Variants in TXLNG observed in about 807,000 individuals in gnomAD.
TXLNG encodes taxilin gamma, also known as gamma-taxilin.
In TXLNG, 5 loss-of-function variants were observed where a neutral mutation model predicts 38.8. The ratio of observed to expected loss-of-function variants is 0.13; its 90% CI spans 0.07 to 0.27. The LOEUF (loss-of-function observed/expected upper bound fraction) is 0.27, where lower values mean the gene tolerates loss of function less well. Among genes scored for constraint, TXLNG ranks in the 10% least tolerant of loss-of-function variants. The pLI, the probability that TXLNG is intolerant of heterozygous loss-of-function variation, is 1.00. For synonymous variants in TXLNG, 182 were observed against 158.2 expected (o/e 1.15, Z -1.13); for missense variants, 393 against 398.2 (o/e 0.99, Z 0.11).
chrX:16,822,013 A>C (rs1472797424), intron 3 of TXLNG, among the ~76,000 whole-genome samples: 2 of 105,709 alleles, frequency 1.9e-5, no homozygotes, highest in African/African-American at 6.9e-5. Context: ...AAAAATAAAA[A>C]AACTGAATTC....
At chrX:16,833,701 T>G (rs1359328746) in intron 6 of TXLNG, among the ~76,000 whole-genome samples, 5 of 112,015 alleles carry the variant, frequency 4.5e-5, no homozygotes, top group Non-Finnish European at 1.9e-5. Context: ...TTTCTAGGCT[T>G]CTTTGGACTA....
At chrX:16,800,098 C>T (rs1192416160) in intron 1 of TXLNG, among the ~76,000 whole-genome samples, 1 of 109,478 alleles carries the variant, frequency 9.1e-6, no homozygotes. Flanking sequence ...TACCACCACG[C>T]CCGGCTAATT....
chrX:16,840,058 A>G, intron 9 of TXLNG, 142 bp downstream of exon 9: 1 of 428,863 alleles, frequency 2.3e-6, no homozygotes, highest in Non-Finnish European at 3.9e-6. Context: ...GGGGGTGGGG[A>G]TGAGTTGCTG....
rs954803708 is a variant in TXLNG at position 16,844,137 on chromosome X, C to A, written c.*2371C>A. 1 of 111,804 alleles carries A rather than the reference C, an allele frequency of 8.9e-6. No individual in the cohort carries two copies. Among genetic ancestry groups the A allele is most frequent in the Non-Finnish European group, 1.9e-5 (1 of 53,178 alleles). The allele number at this position is 111,804 out of a possible 1,213,427, so 9.2% of individuals were successfully genotyped here. ...TCCAAGGTGTAGAGAAAACTTGGGT[C>A]TTGGGTAATATGGACCATTTCATCC... On this transcript the variant is annotated 3_prime_UTR_variant, in exon 10 of 10. Coordinates refer to ENST00000380122, the MANE Select transcript of TXLNG (RefSeq NM_018360.3).
intron 5 of TXLNG, among the ~76,000 whole-genome samples, chrX:16,830,068 C>T (rs1006113250): frequency 7.2e-5 from 8 of 111,104 alleles, no homozygotes; most frequent in East Asian, 5.7e-4. Flanking sequence ...TTCCCTTATC[C>T]AGACTAATAG....
At chrX:16,794,680 A>G (rs1927819998) in intron 1 of TXLNG, among the ~76,000 whole-genome samples, 1 of 111,567 alleles carries the variant, frequency 9.0e-6, no homozygotes, top group Non-Finnish European at 1.9e-5. Context: ...ATGACTTCAT[A>G]AAATTGGGAC....
intron 3 of TXLNG, among the ~76,000 whole-genome samples, chrX:16,826,120 C>T (rs957748381): frequency 5.4e-5 from 6 of 111,402 alleles, no homozygotes; most frequent in East Asian, 2.8e-4. Flanking sequence ...TAATGAACGC[C>T]GGATTCAGGA....
At position 16,844,330 on chromosome X, in the gene TXLNG, A is replaced by G. The variant is rs773945019; in HGVS notation, c.*2564A>G. 8.9e-6 allele frequency: 1 copy of G among 112,245 alleles called. No individual in the cohort carries two copies. The highest frequency in any genetic ancestry group is 1.9e-5 in the Non-Finnish European group (1 of 53,295). The allele number at this position is 112,245 out of a possible 1,213,427, so 9.3% of individuals were successfully genotyped here. A position where few individuals can be genotyped will look rare whatever the true frequency, so the allele number is the denominator to read the frequency against. Reference sequence around the variant, plus strand: ...AATAACTGTGAAAAAAATGATGCAGATATCTTCTAGTTTGTGCTAAACACA... The same window carrying G: ...AATAACTGTGAAAAAAATGATGCAGGTATCTTCTAGTTTGTGCTAAACACA... On this transcript the variant is annotated 3_prime_UTR_variant, in exon 10 of 10. Transcript: ENST00000380122.
chrX:16,786,744 TG>T (rs1287455362), intron 1 of TXLNG, among the ~76,000 whole-genome samples, 155 bp downstream of exon 1: 57 of 6,713 alleles, frequency 8.5e-3, no homozygotes, highest in African/African-American at 0.013. Context: ...TGGGAGCAGG[TG>T]GGGGGGGGTG....
At chrX:16,800,562 C>CTTTT in intron 1 of TXLNG, among the ~76,000 whole-genome samples, 1 of 68,245 alleles carries the variant, frequency 1.5e-5, no homozygotes, top group Non-Finnish European at 2.8e-5. Flanking sequence ...GAGGAGGAAA[C>CTTTT]TTTTTTTTTT....
At chrX:16,788,806 T>C (rs1927599665) in intron 1 of TXLNG, among the ~76,000 whole-genome samples, 1 of 109,548 alleles carries the variant, frequency 9.1e-6, no homozygotes, top group Non-Finnish European at 1.9e-5. Context: ...TAGCTGGGAT[T>C]ACAGATGTGT....
At chrX:16,793,726 C>T (rs778286708) in intron 1 of TXLNG, among the ~76,000 whole-genome samples, 1 of 109,345 alleles carries the variant, frequency 9.1e-6, no homozygotes, top group East Asian at 2.9e-4. Context: ...TTATTGCAGC[C>T]TTGAACTCCT....
Position 16,841,769 on chromosome X carries a change from T to G in TXLNG, c.*3T>G, listed in dbSNP as rs757812417. On this transcript the variant is annotated 3_prime_UTR_variant, in exon 10 of 10. Transcript: ENST00000380122. ...CGGCCATCGAGTCGGTTGACTAAGA[T>G]GAGGTGTGATCACTGTATTGAGAGA... 3.2e-5 allele frequency: 38 copies of G among 1,202,178 alleles called. No homozygotes were observed. In the Admixed American group the frequency reaches 8.2e-4, roughly 26 times the overall value.
intron 1 of TXLNG, among the ~76,000 whole-genome samples, chrX:16,798,903 C>T (rs1927979922): frequency 9.3e-6 from 1 of 107,090 alleles, no homozygotes; most frequent in Admixed American, 1.0e-4. Flanking sequence ...TTTTTTGAGA[C>T]GGAGTTTCGC....
chrX:16,787,330 A>G (rs773243334), intron 1 of TXLNG, among the ~76,000 whole-genome samples: 7 of 111,989 alleles, frequency 6.3e-5, no homozygotes, highest in Non-Finnish European at 1.3e-4. Flanking sequence ...GGGATATCGC[A>G]TGATAGCTGG....
chrX:16,835,102 A>G (rs1032935222), intron 7 of TXLNG, among the ~76,000 whole-genome samples: 1 of 108,488 alleles, frequency 9.2e-6, no homozygotes, highest in African/African-American at 3.4e-5. Context: ...GGTACAGGAA[A>G]GACTTGCCGT....
At chrX:16,832,864 C>A in intron 6 of TXLNG, 122 bp downstream of exon 6, 3 of 892,289 alleles carry the variant, frequency 3.4e-6, no homozygotes, top group Admixed American at 6.7e-5. Context: ...TAATGTAGCA[C>A]CTGGGGGCAT....
intron 1 of TXLNG, among the ~76,000 whole-genome samples, chrX:16,799,850 G>GA (rs1328966342): frequency 6.2e-5 from 7 of 112,160 alleles, no homozygotes; most frequent in African/African-American, 2.3e-4. Flanking sequence ...TAGCCTTGAA[G>GA]GTATTCTGTT....
intron 1 of TXLNG, among the ~76,000 whole-genome samples, chrX:16,801,135 CGTGAGCCA>C (rs1318042180): frequency 2.7e-5 from 3 of 112,485 alleles, no homozygotes; most frequent in Non-Finnish European, 5.6e-5. Context: ...CCAACAGAAC[CGTGAGCCA>C]GTTAAGCCTC....
Sources: gnomAD v4.1 joint callset for allele counts (sites outside exome capture counted in the v4.1 genomes callset) on GRCh38, gnomAD v4.1.1 for gene constraint, MANE v1.5 for transcripts, NCBI Gene and HGNC (gene_info 2026-07-23, HGNC 2026-07-21) for gene names.